Variants in BCCIP observed in about 807,000 individuals in gnomAD.
The protein encoded by BCCIP is BRCA2 and CDKN1A interacting protein.
Under a neutral mutation model 32.8 loss-of-function variants are expected in BCCIP, and 23 were observed. The observed-to-expected ratio is 0.70, with a 90% CI of 0.51 to 0.99. The LOEUF is 0.99. Ranked by LOEUF, BCCIP falls within the 50% of genes least tolerant of loss-of-function variation. The pLI is 0.00. For synonymous variants in BCCIP, 144 were observed against 137.6 expected (o/e 1.05, Z -0.33); for missense variants, 378 against 379.8 (o/e 1.00, Z 0.04).
chr10:125,843,253 T>G (rs1162670316), downstream of BCCIP, among the ~76,000 whole-genome samples: 2 of 152,108 alleles, frequency 1.3e-5, no homozygotes, highest in Non-Finnish European at 2.9e-5. Context: ...ACCTGTCTGC[T>G]CCTGGGAGTT....
In BCCIP at chr10:125,831,420, GGTACCCAGT is replaced by G; in HGVS notation, c.415_423del (p.Thr139_Cys141del). On this transcript the variant is annotated inframe_deletion and splice_region_variant, in exon 5 of 7. Coordinates refer to ENST00000278100, the MANE Select transcript of BCCIP (RefSeq NM_078468.3). Reference sequence around the variant, plus strand: ...AACAAGCTTTCTCTTTGCTTTCTAGGGTACCCAGTGTGTTGAACAAATTCAAGAGTTGGT... The same window carrying G: ...AACAAGCTTTCTCTTTGCTTTCTAGGGTGTTGAACAAATTCAAGAGTTGGT... 3 of 1,612,186 alleles carry G rather than the reference GGTACCCAGT, an allele frequency of 1.9e-6. No homozygotes were observed. Among genetic ancestry groups the G allele is most frequent in the Non-Finnish European group, 1.7e-6 (2 of 1,178,658 alleles).
chr10:125,841,996 C>T (rs1418000927), exon 7 of BCCIP: 1 of 1,465,644 alleles, frequency 6.8e-7, no homozygotes, highest in Non-Finnish European at 8.9e-7. Flanking sequence ...GAAACAGGTA[C>T]TGGACTTTTC....
At chr10:125,844,439 G>A (rs761749778), downstream of BCCIP, among the ~76,000 whole-genome samples, 8 of 152,336 alleles carry the variant, frequency 5.3e-5, no homozygotes, top group African/African-American at 7.2e-5. Context: ...TGAGTTGGCC[G>A]CACACAGGGT....
At chr10:125,845,733 C>T (rs978063735), downstream of BCCIP, among the ~76,000 whole-genome samples, 1 of 152,248 alleles carries the variant, frequency 6.6e-6, no homozygotes, top group Non-Finnish European at 1.5e-5. Flanking sequence ...TGCCCACTGG[C>T]GGGAGCCAAG....
At chr10:125,835,334 A>T (rs1854641924) in intron 6 of BCCIP, among the ~76,000 whole-genome samples, 1 of 152,066 alleles carries the variant, frequency 6.6e-6, no homozygotes, top group South Asian at 2.1e-4. Flanking sequence ...TAATCCCAGC[A>T]CTTTGGGAGG....
chr10:125,840,891 A>G, downstream of BCCIP: 2 of 1,609,566 alleles, frequency 1.2e-6, no homozygotes, highest in Non-Finnish European at 1.7e-6. Flanking sequence ...AGCCTTGTAA[A>G]TGCTGATGAG....
intron 2 of BCCIP, among the ~76,000 whole-genome samples, chr10:125,827,141 TA>T (rs1399105569): frequency 2.0e-5 from 3 of 152,054 alleles, no homozygotes; most frequent in Non-Finnish European, 2.9e-5. Context: ...TTTTTTTTTT[TA>T]ATTCACAATT....
At chr10:125,839,263 C>A, downstream of BCCIP, 2 of 1,483,946 alleles carry the variant, frequency 1.3e-6, no homozygotes, top group Non-Finnish European at 1.8e-6. Context: ...CAGGCAGTTG[C>A]CATCTTTAAG....
chr10:125,836,261 A>G lies in BCCIP; in HGVS notation c.932A>G (p.Tyr311Cys), dbSNP rs1326031715. The G allele has an allele frequency of 1.2e-6, 2 of 1,614,108 alleles. No homozygotes were observed. Among genetic ancestry groups the G allele is most frequent in the African/African-American group, 2.7e-5 (2 of 74,934 alleles). Residue 311 changes from tyrosine (Y) to cysteine (C), a missense_variant, in exon 7 of 7, where the codon TAT becomes TGT. Transcript: ENST00000278100. The stretch of plus-strand genomic sequence containing the variant: ...GAAATCATGGATAAACTGAAAGAAT[A>G]TCTATCTGTCTAACCCATTTCCAAT... ...MNEIMDKLKE[Y>C]LSV
Position 125,831,084 on chromosome 10 carries a change from C to T in BCCIP, c.412-336C>T, listed in dbSNP as rs79970364. Among the ~76,000 whole-genome samples, 104 of 152,342 alleles carry T rather than the reference C, an allele frequency of 6.8e-4. No homozygotes were observed. The East Asian group carries it at 0.019, about 28-fold the overall frequency. On this transcript the variant is annotated intron_variant, in intron 4 of 6. Coordinates refer to ENST00000278100, the MANE Select transcript of BCCIP (RefSeq NM_078468.3). Reference sequence around the variant, plus strand: ...AAAAAGTAAACCAGCTGCTTACCCACCTCAGAATAAGATGCAGGCTACACT... The same window carrying T: ...AAAAAGTAAACCAGCTGCTTACCCATCTCAGAATAAGATGCAGGCTACACT...
chr10:125,844,078 T>C (rs1024720377), downstream of BCCIP, among the ~76,000 whole-genome samples: 2 of 152,152 alleles, frequency 1.3e-5, no homozygotes, highest in Non-Finnish European at 2.9e-5. Context: ...TTGGGGACCT[T>C]TGGACTAACC....
At chr10:125,850,520 G>T (rs1375615758) in intron 7 of BCCIP, among the ~76,000 whole-genome samples, 1 of 151,898 alleles carries the variant, frequency 6.6e-6, no homozygotes, top group Non-Finnish European at 1.5e-5. Context: ...ACCATGCCCG[G>T]CTAATTTTGT....
chr10:125,830,488 C>T (rs1331234233), intron 3 of BCCIP, 74 bp from the exon 4 acceptor site: 9 of 943,220 alleles, frequency 9.5e-6, no homozygotes, highest in Non-Finnish European at 1.2e-5. Context: ...ATGAGGCCTA[C>T]ATCCCAAGAC....
rs747509295 is a variant in BCCIP, at chr10:125,853,193, C to CT, written c.920dup (p.Ser308LysfsTer2). ...TGGACTAATTCAATCAAGATCAACTCTAAGTGATTTCCAGGGAACCTTCAT... is the reference window on the plus strand; with the variant it reads ...TGGACTAATTCAATCAAGATCAACTCTTAAGTGATTTCCAGGGAACCTTCAT... On this transcript the variant is annotated frameshift_variant, in exon 8 of 8. Transcript: ENST00000368759. LOFTEE classifies it low-confidence loss of function (END_TRUNC). The CT allele has an allele frequency of 3.1e-6, 5 of 1,613,074 alleles. No homozygotes were observed. In the South Asian group the frequency reaches 3.3e-5, roughly 11 times the overall value.
At chr10:125,828,328 A>G (rs750902465) in intron 3 of BCCIP, among the ~76,000 whole-genome samples, 5 of 152,276 alleles carry the variant, frequency 3.3e-5, no homozygotes, top group South Asian at 2.1e-4. Flanking sequence ...TACCTGTGAG[A>G]TACCGGGTAG....
At chr10:125,839,567 G>A (rs1054220813), downstream of BCCIP, among the ~76,000 whole-genome samples, 7 of 152,164 alleles carry the variant, frequency 4.6e-5, no homozygotes, top group Non-Finnish European at 8.8e-5. Flanking sequence ...TATGTATGTG[G>A]TCCCATTTAA....
intron 7 of BCCIP, chr10:125,852,259 C>T (rs762084441): frequency 2.5e-6 from 4 of 1,607,770 alleles, no homozygotes; most frequent in Non-Finnish European, 2.6e-6. Flanking sequence ...GAATCTCAGC[C>T]TAATGCCTGG....
intron 3 of BCCIP, among the ~76,000 whole-genome samples, chr10:125,828,102 G>C (rs186009090): frequency 6.6e-6 from 1 of 152,190 alleles, no homozygotes; most frequent in East Asian, 1.9e-4. Context: ...GTCCAGGTGG[G>C]GGCAATGGAG....
chr10:125,843,892 G>A (rs996086351), downstream of BCCIP, among the ~76,000 whole-genome samples: 22 of 152,196 alleles, frequency 1.4e-4, no homozygotes, highest in Non-Finnish European at 1.2e-4. Flanking sequence ...CCAGACATCC[G>A]CTGGAGTACT....
Sources: allele counts gnomAD v4.1 joint callset (sites outside exome capture counted in the v4.1 genomes callset), GRCh38; gene constraint gnomAD v4.1.1; transcripts MANE v1.5; gene names NCBI Gene and HGNC (gene_info 2026-07-23, HGNC 2026-07-21).